The following RNF175 variants were observed in gnomAD, a reference collection of about 807,000 sequenced individuals.
RNF175 encodes ring finger protein 175.
In RNF175, 38 loss-of-function variants were observed where a neutral mutation model predicts 50.0. The ratio of observed to expected loss-of-function variants is 0.76; its 90% CI spans 0.59 to 1.00. The LOEUF is 1.00. Ranked by LOEUF, RNF175 falls within the 50% of genes least tolerant of loss-of-function variation. The probability of loss-of-function intolerance (pLI) is 0.00; values close to 1 mark genes in which losing one functional copy is unlikely to be tolerated. For synonymous variants in RNF175, 155 were observed against 146.1 expected (o/e 1.06, Z -0.44); for missense variants, 388 against 409.6 (o/e 0.95, Z 0.46).
chr4:153,756,815 A>G (rs940837948), intron 1 of RNF175, among the ~76,000 whole-genome samples: 1 of 152,248 alleles, frequency 6.6e-6, no homozygotes, highest in Non-Finnish European at 1.5e-5. Context: ...TGTGTGATAA[A>G]GAATTACCAG....
chr4:153,749,230 C>T (rs1740159381), intron 2 of RNF175, among the ~76,000 whole-genome samples: 1 of 152,208 alleles, frequency 6.6e-6, no homozygotes, highest in African/African-American at 2.4e-5. Context: ...AAATAACCAT[C>T]CTTCTGTAAC....
At chr4:153,729,904 C>T in intron 3 of RNF175, 1 of 196,506 alleles carries the variant, frequency 5.1e-6, no homozygotes. Context: ...ATCCACTAAT[C>T]TTGCCTCCAT....
At chr4:153,719,055 C>A (rs894176558) in intron 6 of RNF175, among the ~76,000 whole-genome samples, 1 of 152,150 alleles carries the variant, frequency 6.6e-6, no homozygotes, top group Non-Finnish European at 1.5e-5. Flanking sequence ...CCTGTCAACC[C>A]ATCAGCTAGG....
intron 2 of RNF175, among the ~76,000 whole-genome samples, chr4:153,749,353 C>T (rs1417357558): frequency 6.6e-6 from 1 of 152,212 alleles, no homozygotes; most frequent in African/African-American, 2.4e-5. Context: ...AAGTCAAAAA[C>T]AGTCAAACGT....
At chr4:153,748,528 G>C in intron 3 of RNF175, 117 bp downstream of exon 3, 1 of 916,102 alleles carries the variant, frequency 1.1e-6, no homozygotes, top group African/African-American at 1.7e-5. Flanking sequence ...GAGAACCACT[G>C]ACTTAAACCA....
chr4:153,754,494 T>G (rs755662456), intron 1 of RNF175, among the ~76,000 whole-genome samples: 4 of 152,154 alleles, frequency 2.6e-5, no homozygotes, highest in African/African-American at 4.8e-5. Flanking sequence ...TGGGAGTCAG[T>G]GGGGTCAGTC....
At position 153,737,839 on chromosome 4, in the gene RNF175, T is replaced by C. The variant is rs535680883; in HGVS notation, c.247-9478A>G. 1.2e-3 allele frequency among the ~76,000 whole-genome samples: 180 copies of C among 152,318 alleles called. 1 individual carries two copies. Among genetic ancestry groups the C allele is most frequent in the African/African-American group, 4.1e-3 (169 of 41,566 alleles). On this transcript the variant is annotated intron_variant, in intron 3 of 8. Transcript: ENST00000347063. The stretch of plus-strand genomic sequence containing the variant: ...CAAGCTGATGAATGGAACTGTTCAG[T>C]CAATTATGTCCTTACTAATTTTATG...
At chr4:153,718,230 G>GTTTTTTTTTTTTTTTTTTTTTTTTT (rs1272804247) in intron 6 of RNF175, among the ~76,000 whole-genome samples, 6 of 31,856 alleles carry the variant, frequency 1.9e-4, no homozygotes, top group African/African-American at 4.1e-4. Flanking sequence ...TTGTTTGTTT[G>GTTTTTTTTTTTTTTTTTTTTTTTTT]TTTGTTTGTT....
intron 2 of RNF175, 158 bp from the exon 3 acceptor site, chr4:153,748,944 A>C (rs1740145032): frequency 1.6e-6 from 1 of 619,760 alleles, no homozygotes; most frequent in East Asian, 3.1e-5. Flanking sequence ...TTGATTGTAA[A>C]GTTTTTCTAA....
intron 5 of RNF175, 37 bp downstream of exon 5, chr4:153,723,314 G>T: frequency 9.7e-7 from 1 of 1,033,468 alleles, no homozygotes; most frequent in Non-Finnish European, 1.5e-6. Flanking sequence ...CCAAGCAAGT[G>T]CTTGGAGATA....
Position 153,711,111 on chromosome 4 carries a change from C to T in RNF175, c.867-622G>A, listed in dbSNP as rs192374456. 2.1e-3 allele frequency among the ~76,000 whole-genome samples: 317 copies of T among 152,210 alleles called. 3 individuals carry two copies. Among genetic ancestry groups the T allele is most frequent in the Non-Finnish European group, 2.1e-3 (140 of 67,998 alleles). ...CAAGACTACATAAAGAAATGAATGA[C>T]CCTTTGTTAAAGTATCACTTGAGGT... On this transcript the variant is annotated intron_variant, in intron 8 of 8. Transcript: ENST00000347063.
intron 3 of RNF175, among the ~76,000 whole-genome samples, chr4:153,734,567 T>C (rs1017482717): frequency 6.6e-6 from 1 of 152,162 alleles, no homozygotes; most frequent in African/African-American, 2.4e-5. Context: ...ATGAGTTGTT[T>C]TCTCGTGGTT....
chr4:153,724,909 C>T (rs1233911071), intron 4 of RNF175, among the ~76,000 whole-genome samples: 5 of 139,220 alleles, frequency 3.6e-5, no homozygotes, highest in East Asian at 4.3e-4. Context: ...GGGTGAGCTA[C>T]GTGGGGGACC....
intron 1 of RNF175, among the ~76,000 whole-genome samples, chr4:153,755,660 C>A (rs1740525503): frequency 7.9e-6 from 1 of 126,426 alleles, no homozygotes; most frequent in South Asian, 2.5e-4. Context: ...CTCACATCCC[C>A]CACCCCCGCA....
chr4:153,744,049 C>G (rs952611139), intron 3 of RNF175, among the ~76,000 whole-genome samples: 22 of 152,176 alleles, frequency 1.4e-4, no homozygotes, highest in African/African-American at 5.3e-4. Flanking sequence ...CAGTGACACA[C>G]ACCCTCCAAG....
At chr4:153,728,761 AAAGCACTCTGAAAACC>A (rs1463011264) in intron 3 of RNF175, among the ~76,000 whole-genome samples, 1 of 152,136 alleles carries the variant, frequency 6.6e-6, no homozygotes, top group Non-Finnish European at 1.5e-5. Context: ...TCAGGAATGG[AAAGCACTCTGAAAACC>A]ATACTGCACT....
At chr4:153,753,811 G>C (rs970697609) in intron 1 of RNF175, among the ~76,000 whole-genome samples, 2 of 151,370 alleles carry the variant, frequency 1.3e-5, no homozygotes, top group Admixed American at 6.6e-5. Flanking sequence ...CGCCCACCTC[G>C]ACCTCTCAAA....
intron 3 of RNF175, chr4:153,729,765 T>C (rs1490950167): frequency 5.1e-6 from 5 of 984,974 alleles, no homozygotes; most frequent in Admixed American, 6.1e-5. Context: ...AGAGTTGTTA[T>C]CATAGATATG....
chr4:153,726,876 G>A (rs1360468446), intron 4 of RNF175, among the ~76,000 whole-genome samples: 5 of 152,192 alleles, frequency 3.3e-5, no homozygotes, highest in Non-Finnish European at 5.9e-5. Context: ...TTGGAGTTGT[G>A]CAGGCAGGAA....
Sources: allele counts gnomAD v4.1 joint callset (sites outside exome capture counted in the v4.1 genomes callset), GRCh38; gene constraint gnomAD v4.1.1; transcripts MANE v1.5; gene names NCBI Gene and HGNC (gene_info 2026-07-23, HGNC 2026-07-21).